The following IMMP2L variants were observed in gnomAD, a reference collection of about 807,000 sequenced individuals.
IMMP2L encodes the protein mitochondrial inner membrane protease subunit 2.
In IMMP2L, 18 loss-of-function variants were observed where a neutral mutation model predicts 19.3. That is an observed-to-expected ratio of 0.93 (90% CI 0.64 to 1.38). IMMP2L has a LOEUF of 1.38. Among genes scored for constraint, IMMP2L ranks in the 40% most tolerant of loss-of-function variants. The pLI, the probability that IMMP2L is intolerant of heterozygous loss-of-function variation, is 0.00. For missense variants in IMMP2L, 233 were observed against 218.2 expected, an observed-to-expected ratio of 1.07 and a Z score of -0.43; for synonymous variants, 76 against 73.0, an observed-to-expected ratio of 1.04 and a Z score of -0.21.
At chr7:110,998,777 C>T (rs1001263048) in intron 3 of IMMP2L, among the ~76,000 whole-genome samples, 2 of 152,080 alleles carry the variant, frequency 1.3e-5, no homozygotes, top group Non-Finnish European at 2.9e-5. Flanking sequence ...GGCTAGAAAA[C>T]GGGCACAGTG....
chr7:110,705,799 A>G (rs1794633948), intron 5 of IMMP2L, among the ~76,000 whole-genome samples: 1 of 151,936 alleles, frequency 6.6e-6, no homozygotes, highest in African/African-American at 2.4e-5. Context: ...GTCACTTATA[A>G]GTGAGAACAG....
At chr7:111,020,697 G>A (rs1462460781) in intron 3 of IMMP2L, among the ~76,000 whole-genome samples, 1 of 152,236 alleles carries the variant, frequency 6.6e-6, no homozygotes, top group East Asian at 1.9e-4. Context: ...AGAAGGGCAA[G>A]GTTGTAGTGA....
intron 3 of IMMP2L, among the ~76,000 whole-genome samples, chr7:111,145,973 G>A (rs950084984): frequency 6.6e-6 from 1 of 152,046 alleles, no homozygotes; most frequent in Non-Finnish European, 1.5e-5. Context: ...AAGTATGGAA[G>A]CTAGAATGCA....
At chr7:111,155,797 G>C (rs555258186) in intron 3 of IMMP2L, among the ~76,000 whole-genome samples, 1 of 152,022 alleles carries the variant, frequency 6.6e-6, no homozygotes, top group East Asian at 1.9e-4. Context: ...TTTAGGCATA[G>C]CTTCGATGTA....
chr7:111,318,631 G>A lies in IMMP2L; in HGVS notation c.239+168607C>T, dbSNP rs188341915. Among the ~76,000 whole-genome samples, 18 of 152,080 alleles carry A rather than the reference G, an allele frequency of 1.2e-4. No individual in the cohort carries two copies. The East Asian group carries it at 2.7e-3, about 23-fold the overall frequency. ...TGATTTTCTAGTTCTGAGGTGCAAT[G>A]GCAAACTTGTAAGTCAAATGATATC... On this transcript the variant is annotated intron_variant, in intron 3 of 5. Transcript: ENST00000405709.
intron 3 of IMMP2L, among the ~76,000 whole-genome samples, chr7:111,300,822 A>C (rs1822142496): frequency 6.6e-6 from 1 of 152,146 alleles, no homozygotes; most frequent in Non-Finnish European, 1.5e-5. Flanking sequence ...ATATGTGTAC[A>C]ATTAATTTCA....
chr7:111,299,537 G>T (rs1821987032), intron 3 of IMMP2L, among the ~76,000 whole-genome samples: 1 of 148,992 alleles, frequency 6.7e-6, no homozygotes, highest in Non-Finnish European at 1.5e-5. Context: ...TATTAGTGGG[G>T]TTTTCCCAGA....
intron 5 of IMMP2L, among the ~76,000 whole-genome samples, chr7:110,829,089 T>C (rs1803741366): frequency 6.6e-6 from 1 of 152,160 alleles, no homozygotes; most frequent in South Asian, 2.1e-4. Context: ...TTCCTGATCC[T>C]ATGAGATTGG....
At chr7:111,436,435 A>G (rs1837171639) in intron 3 of IMMP2L, among the ~76,000 whole-genome samples, 1 of 151,850 alleles carries the variant, frequency 6.6e-6, no homozygotes, top group Non-Finnish European at 1.5e-5. Context: ...ATAATATTTC[A>G]TAAACTAGAA....
chr7:110,950,231 T>C (rs1817655845), intron 4 of IMMP2L, among the ~76,000 whole-genome samples: 1 of 152,136 alleles, frequency 6.6e-6, no homozygotes, highest in African/African-American at 2.4e-5. Context: ...CTTTTCCCCA[T>C]TGTGTATTCT....
intron 3 of IMMP2L, among the ~76,000 whole-genome samples, chr7:111,063,472 C>T (rs1794211566): frequency 6.6e-6 from 1 of 152,144 alleles, no homozygotes; most frequent in Non-Finnish European, 1.5e-5. Flanking sequence ...TTTCTTGGGG[C>T]TTAACATTTG....
intron 4 of IMMP2L, among the ~76,000 whole-genome samples, chr7:110,906,231 A>C (rs1563071155): frequency 6.6e-6 from 1 of 152,242 alleles, no homozygotes; most frequent in Non-Finnish European, 1.5e-5. Context: ...TAATAGGTAC[A>C]ACTAGCATGT....
chr7:111,507,725 A>G (rs1433571335), intron 2 of IMMP2L, among the ~76,000 whole-genome samples: 5 of 152,140 alleles, frequency 3.3e-5, no homozygotes, highest in South Asian at 4.1e-4. Flanking sequence ...CTCCAAAACT[A>G]TATGTCTAAA....
chr7:111,542,317 T>C (rs758887933), intron 1 of IMMP2L, among the ~76,000 whole-genome samples: 1 of 152,158 alleles, frequency 6.6e-6, no homozygotes, highest in African/African-American at 2.4e-5. Context: ...TAGTAGAGAA[T>C]ATACACTTTG....
At chr7:110,932,204 G>A (rs142449842) in intron 4 of IMMP2L, among the ~76,000 whole-genome samples, 1,553 of 152,210 alleles carry the variant, frequency 0.01, 27 homozygotes, top group African/African-American at 0.035. Context: ...CGATGTCCAC[G>A]TTGCCTAGAA....
chr7:111,195,095 T>A (rs1235056679), intron 3 of IMMP2L, among the ~76,000 whole-genome samples: 6 of 152,098 alleles, frequency 3.9e-5, no homozygotes, highest in Non-Finnish European at 8.8e-5. Context: ...ATGCACTACA[T>A]AAAACTTACA....
At chr7:110,933,802 A>G (rs1815767792) in intron 4 of IMMP2L, among the ~76,000 whole-genome samples, 1 of 152,192 alleles carries the variant, frequency 6.6e-6, no homozygotes, top group Non-Finnish European at 1.5e-5. Context: ...TTTCCTATTA[A>G]TGATGAAAAC....
rs146177241 is a variant in IMMP2L, at chr7:111,180,753, C to A, written c.240-217188G>T. Among the ~76,000 whole-genome samples the A allele has an allele frequency of 2.6e-5, 4 of 152,108 alleles. No homozygotes were observed. The East Asian group carries it at 5.8e-4, about 22-fold the overall frequency. On this transcript the variant is annotated intron_variant, in intron 3 of 5. Transcript: ENST00000405709. ...TTTCTAATTACTTTTCATGCATTCA[C>A]ACGTATATATTGACAAAGCCTATTT...
intron 3 of IMMP2L, among the ~76,000 whole-genome samples, chr7:111,439,709 G>A (rs1195729883): frequency 6.6e-6 from 1 of 151,866 alleles, no homozygotes; most frequent in African/African-American, 2.4e-5. Flanking sequence ...TGAGGTAGTT[G>A]TGGCAATTTC....
Sources: gnomAD v4.1 joint callset for allele counts (sites outside exome capture counted in the v4.1 genomes callset) on GRCh38, gnomAD v4.1.1 for gene constraint, MANE v1.5 for transcripts, NCBI Gene and HGNC (gene_info 2026-07-23, HGNC 2026-07-21) for gene names.